SHANK2: variants seen among roughly 807,000 people sequenced by gnomAD.
SHANK2 encodes SH3 and multiple ankyrin repeat domains protein 2.
SHANK2 carries 43 observed loss-of-function variants against 133.7 expected under a neutral mutation model. The observed-to-expected ratio is 0.32, with a 90% CI of 0.25 to 0.41. SHANK2 has a LOEUF of 0.41. Ranked by LOEUF, SHANK2 falls within the 10% of genes least tolerant of loss-of-function variation. The pLI, the probability that SHANK2 is intolerant of heterozygous loss-of-function variation, is 1.00. For missense variants in SHANK2, 1,994 were observed against 2,235.8 expected (o/e 0.89, Z 2.18); for synonymous variants, 1,017 against 952.8 (o/e 1.07, Z -1.24).
chr11:71,181,327 C>G (rs1277341183), intron 2 of SHANK2, among the ~76,000 whole-genome samples: 1 of 152,116 alleles, frequency 6.6e-6, no homozygotes, highest in Non-Finnish European at 1.5e-5. Flanking sequence ...ACAAGTGGCA[C>G]ATGGCCTTTA....
In SHANK2 at chr11:70,718,745, G is replaced by A. The variant is rs1591782948; in HGVS notation, c.1778-19982C>T. Among the ~76,000 whole-genome samples the A allele has an allele frequency of 3.1e-5, 4 of 130,848 alleles. No homozygotes were observed. The South Asian group carries it at 7.1e-4, about 23-fold the overall frequency. 85.8% of individuals were successfully genotyped at this position (130,848 alleles called of 152,430 possible). ...CTGGCCTGAATGTCCATCATGGCCCGGGACAGAAGCCCTCACCTTCCTGAG... is the reference window on the plus strand; with the variant it reads ...CTGGCCTGAATGTCCATCATGGCCCAGGACAGAAGCCCTCACCTTCCTGAG... On this transcript the variant is annotated intron_variant, in intron 14 of 25. Coordinates refer to ENST00000601538, the MANE Select transcript of SHANK2 (RefSeq NM_012309.5).
At chr11:70,781,346 T>G (rs919097829) in intron 14 of SHANK2, among the ~76,000 whole-genome samples, 1 of 150,904 alleles carries the variant, frequency 6.6e-6, no homozygotes, top group African/African-American at 2.4e-5. Flanking sequence ...TCAGGATTAT[T>G]GTCAGGACCC....
At chr11:70,779,673 C>G (rs1477140609) in intron 14 of SHANK2, among the ~76,000 whole-genome samples, 1 of 152,204 alleles carries the variant, frequency 6.6e-6, no homozygotes, top group African/African-American at 2.4e-5. Context: ...GGCATTCCTA[C>G]TCCCTGAGAA....
intron 17 of SHANK2, among the ~76,000 whole-genome samples, chr11:70,505,717 G>T (rs2059126432): frequency 6.6e-6 from 1 of 152,166 alleles, no homozygotes; most frequent in Non-Finnish European, 1.5e-5. Context: ...GCACGGGGAT[G>T]GGCTGCCAGT....
chr11:70,897,941 T>TAC (rs142602596), intron 10 of SHANK2, among the ~76,000 whole-genome samples: 10,846 of 149,182 alleles, frequency 0.073, 778 homozygotes, highest in African/African-American at 0.18. Context: ...AATATACATA[T>TAC]ACACACACAC....
chr11:71,065,425 C>A (rs1951038320), intron 9 of SHANK2, among the ~76,000 whole-genome samples: 1 of 122,070 alleles, frequency 8.2e-6, no homozygotes, highest in African/African-American at 3.3e-5. Flanking sequence ...GTGCAGAACT[C>A]TTCCAGGGAG....
chr11:70,876,474 G>C (rs1949566869), intron 11 of SHANK2, among the ~76,000 whole-genome samples: 1 of 149,516 alleles, frequency 6.7e-6, no homozygotes, highest in South Asian at 2.1e-4. Context: ...GCAGGAAGAT[G>C]GCATGAACCC....
At chr11:70,805,949 T>C (rs1410720410) in intron 13 of SHANK2, among the ~76,000 whole-genome samples, 1 of 152,192 alleles carries the variant, frequency 6.6e-6, no homozygotes. Flanking sequence ...TGATGAAATA[T>C]GTGTGCAGCA....
At chr11:71,086,775 C>T (rs1212533724) in intron 8 of SHANK2, among the ~76,000 whole-genome samples, 2 of 152,044 alleles carry the variant, frequency 1.3e-5, no homozygotes, top group African/African-American at 2.4e-5. Flanking sequence ...CGGCACTGTC[C>T]GCTGCTCCTG....
At chr11:70,565,986 G>A (rs1554981827) in intron 17 of SHANK2, among the ~76,000 whole-genome samples, 1 of 152,120 alleles carries the variant, frequency 6.6e-6, no homozygotes, top group Non-Finnish European at 1.5e-5. Context: ...AAGGTTTAAT[G>A]GACTCATAGT....
intron 11 of SHANK2, among the ~76,000 whole-genome samples, chr11:70,827,688 AAAAC>A (rs1454967491): frequency 1.1e-3 from 37 of 34,908 alleles, no homozygotes; most frequent in African/African-American, 3.3e-3. Flanking sequence ...TCAGAAATTT[AAAAC>A]ACACACACAC....
At chr11:70,878,933 T>C (rs537397046) in intron 11 of SHANK2, among the ~76,000 whole-genome samples, 2 of 152,324 alleles carry the variant, frequency 1.3e-5, no homozygotes, top group African/African-American at 4.8e-5. Flanking sequence ...CTCCAGGTCA[T>C]GTGACTTCTC....
intron 15 of SHANK2, among the ~76,000 whole-genome samples, chr11:70,662,818 C>T (rs1565224715): frequency 6.6e-6 from 1 of 152,192 alleles, no homozygotes; most frequent in Admixed American, 6.5e-5. Flanking sequence ...GTGTGTGGGA[C>T]GGTGCCCTGC....
At chr11:70,730,884 T>TA (rs1267038139) in intron 14 of SHANK2, among the ~76,000 whole-genome samples, 1 of 149,804 alleles carries the variant, frequency 6.7e-6, no homozygotes, top group Non-Finnish European at 1.5e-5. Flanking sequence ...TACTAATCAT[T>TA]AAAAAAATAC....
intron 3 of SHANK2, among the ~76,000 whole-genome samples, chr11:71,146,123 C>T (rs1414953220): frequency 5.3e-5 from 8 of 152,222 alleles, no homozygotes; most frequent in Non-Finnish European, 8.8e-5. Flanking sequence ...GTGAAATGTT[C>T]GCAGGCCAAC....
intron 17 of SHANK2, among the ~76,000 whole-genome samples, chr11:70,601,059 ATAT>A (rs1554990983): frequency 3.8e-4 from 54 of 141,484 alleles, no homozygotes; most frequent in African/African-American, 1.3e-3. Context: ...ATCTATATCT[ATAT>A]CTATATTTGA....
rs782316887 is a variant in SHANK2, at chr11:70,485,726, C to T, written c.4567G>A (p.Gly1523Ser). The change falls in exon 25 of 26, where the codon GGT becomes AGT. Residue 1523 changes from glycine (G) to serine (S), a missense_variant. Physicochemically the swap from Gly to Ser is moderately conservative, Grantham distance 56 (BLOSUM62 0). This residue lies in a region of SHANK2 where 797 missense variants were observed against 907.4 expected (regional missense o/e 0.88). Transcript: ENST00000601538. The surrounding 1 kb of genome is among the most constrained non-coding windows in gnomAD (Gnocchi z 5.8). ...VSSISTLSSEGGENVDTCTVY... is the reference protein window; with the variant it reads ...VSSISTLSSESGENVDTCTVY... The stretch of plus-strand genomic sequence containing the variant: ...GTGCAGGTGTCCACATTCTCTCCAC[C>T]TTCGGAAGACAGGGTGGAGATGCTA... 6.8e-6 allele frequency: 11 copies of T among 1,614,102 alleles called. No homozygotes were observed. The highest frequency in any genetic ancestry group is 1.7e-5 in the Admixed American group (1 of 60,032).
intron 11 of SHANK2, among the ~76,000 whole-genome samples, chr11:70,853,066 G>T (rs894861606): frequency 6.6e-6 from 1 of 152,252 alleles, no homozygotes; most frequent in Admixed American, 6.5e-5. Flanking sequence ...GCCATCTGGG[G>T]TGCCCCCTGC....
intron 11 of SHANK2, among the ~76,000 whole-genome samples, chr11:70,849,338 T>C (rs797032543): frequency 3.3e-5 from 5 of 152,158 alleles, no homozygotes; most frequent in African/African-American, 1.2e-4. Flanking sequence ...AAAGGTGAGG[T>C]AGAGAAAAAG....
Sources: gnomAD v4.1 joint callset for allele counts (sites outside exome capture counted in the v4.1 genomes callset) on GRCh38, gnomAD v4.1.1 for gene constraint, gnomAD v4.1.1 regional missense constraint, Gnocchi (gnomAD v3.1) non-coding constraint, MANE v1.5 for transcripts, NCBI Gene and HGNC (gene_info 2026-07-23, HGNC 2026-07-21) for gene names.